Variants in KLRC1 observed in about 807,000 individuals in gnomAD.
The protein encoded by KLRC1 is NKG2-A/NKG2-B type II integral membrane protein.
In KLRC1, 22 loss-of-function variants were observed where a neutral mutation model predicts 25.9. The ratio of observed to expected loss-of-function variants is 0.85; its 90% CI spans 0.61 to 1.21. The LOEUF is 1.21. Ranked by LOEUF, KLRC1 falls within the 50% of genes most tolerant of loss-of-function variation. The pLI is 0.00. For missense variants in KLRC1, 240 were observed against 272.2 expected (o/e 0.88, Z 0.83); for synonymous variants, 77 against 93.1 (o/e 0.83, Z 0.99).
chr12:10,452,588 T>C (rs1397221428), intron 1 of KLRC1, among the ~76,000 whole-genome samples: 2 of 152,196 alleles, frequency 1.3e-5, no homozygotes, highest in East Asian at 3.8e-4. Flanking sequence ...TCACAATTGT[T>C]ATGTTACTGT....
intron 1 of KLRC1, among the ~76,000 whole-genome samples, chr12:10,451,991 C>T (rs1864136165): frequency 6.6e-6 from 1 of 151,458 alleles, no homozygotes; most frequent in African/African-American, 2.4e-5. Context: ...ATTAAATGGT[C>T]TTTTCTTAAT....
downstream of KLRC1, among the ~76,000 whole-genome samples, chr12:10,444,662 G>T (rs1397470003): frequency 6.6e-6 from 1 of 152,118 alleles, no homozygotes; most frequent in African/African-American, 2.4e-5. Context: ...AAGAAATTCA[G>T]TTTAGACATA....
intron 1 of KLRC1, chr12:10,451,412 C>A: frequency 8.5e-6 from 2 of 236,196 alleles, no homozygotes; most frequent in South Asian, 3.1e-4. Flanking sequence ...AATCCCAGCA[C>A]TTTGGGAGGC....
Position 10,446,250 on chromosome 12 carries a change from C to A in KLRC1, c.*301G>T. 1 of 504,092 alleles carries A rather than the reference C, an allele frequency of 2.0e-6. No homozygotes were observed. The highest frequency in any genetic ancestry group is 2.8e-6 in the Non-Finnish European group (1 of 361,630). 31.2% of individuals were successfully genotyped at this position (504,092 alleles called of 1,614,324 possible). On this transcript the variant is annotated 3_prime_UTR_variant, in exon 7 of 7. Coordinates refer to ENST00000359151, the MANE Select transcript of KLRC1 (RefSeq NM_002259.5). ...CCCTCAGACATTGGCAACCACTATT[C>A]TACTTTCTGTCTCCATGGGTTTGAC...
At chr12:10,448,577 T>C (rs1364172375) in intron 5 of KLRC1, among the ~76,000 whole-genome samples, 8 of 152,176 alleles carry the variant, frequency 5.3e-5, no homozygotes, top group African/African-American at 1.9e-4. Flanking sequence ...AGGGTCCTCT[T>C]TGTCCCTGAG....
chr12:10,448,134 C>T (rs1333494326), intron 5 of KLRC1, among the ~76,000 whole-genome samples: 1 of 149,420 alleles, frequency 6.7e-6, no homozygotes, highest in Admixed American at 6.7e-5. Context: ...AGACTCGTCT[C>T]TCTCTGCTAC....
chr12:10,446,706 T>C, intron 6 of KLRC1, 44 bp from the exon 7 acceptor site: 2 of 1,610,280 alleles, frequency 1.2e-6, no homozygotes, highest in Non-Finnish European at 1.7e-6. Flanking sequence ...TTTAAGCAAA[T>C]GATTCATGAG....
chr12:10,449,482 T>C, intron 4 of KLRC1, 94 bp from the exon 5 acceptor site: 13 of 1,535,838 alleles, frequency 8.5e-6, no homozygotes, highest in Non-Finnish European at 1.1e-5. Flanking sequence ...CCTATACGTA[T>C]GCAACATATC....
intron 5 of KLRC1, 57 bp from the exon 6 acceptor site, chr12:10,447,689 CAATAT>C (rs1361216707): frequency 7.2e-7 from 1 of 1,391,094 alleles, no homozygotes; most frequent in Non-Finnish European, 9.8e-7. Context: ...ATTACAAAAA[CAATAT>C]ATTAAATTTG....
At chr12:10,452,972 A>T (rs2682472) in intron 1 of KLRC1, among the ~76,000 whole-genome samples, 81,351 of 152,068 alleles carry the variant, frequency 0.53, 23,940 homozygotes, top group Non-Finnish European at 0.65. Flanking sequence ...GATATTGATC[A>T]ACAAACCCAC....
intron 3 of KLRC1, 29 bp downstream of exon 3, chr12:10,450,455 C>G (rs768671198): frequency 8.0e-7 from 1 of 1,249,362 alleles, no homozygotes; most frequent in Non-Finnish European, 1.2e-6. Context: ...CGTGAAAATT[C>G]CCCTTGTAAT....
At chr12:10,451,472 AC>A (rs1009989054) in intron 1 of KLRC1, among the ~76,000 whole-genome samples, 2 of 152,144 alleles carry the variant, frequency 1.3e-5, no homozygotes, top group Non-Finnish European at 1.5e-5. Context: ...CCTGGCTAAC[AC>A]GGTGAAACTC....
chr12:10,453,531 T>C (rs2734437), upstream of KLRC1, among the ~76,000 whole-genome samples: 25,193 of 151,748 alleles, frequency 0.17, 2,477 homozygotes, highest in Non-Finnish European at 0.23. Context: ...AAGTGTGTCA[T>C]TTAGTTGGTT....
At chr12:10,453,123 G>T in intron 1 of KLRC1, 75 bp downstream of exon 1, 2 of 541,668 alleles carry the variant, frequency 3.7e-6, no homozygotes, top group Non-Finnish European at 4.7e-6. Context: ...TACCTCCTTT[G>T]TATCATATTG....
rs368976157 is a variant in KLRC1 at position 10,450,595 on chromosome 12, T to C, written c.188-16A>G. The C allele has an allele frequency of 8.0e-6, 12 of 1,501,440 alleles. No individual in the cohort carries two copies. The highest frequency in any genetic ancestry group is 1.0e-5 in the Non-Finnish European group (11 of 1,078,082). The allele number at this position is 1,501,440 out of a possible 1,614,324, so 93.0% of individuals were successfully genotyped here. A position where few individuals can be genotyped will look rare whatever the true frequency, so the allele number is the denominator to read the frequency against. Reference sequence around the variant, plus strand: ...GATGGTAAATCTGCAGGGAGAGAAATGGGAACAGTGCGAAAGGAGAGGTGG... The same window carrying C: ...GATGGTAAATCTGCAGGGAGAGAAACGGGAACAGTGCGAAAGGAGAGGTGG... On this transcript the variant is annotated splice_polypyrimidine_tract_variant and intron_variant, in intron 2 of 6. Transcript: ENST00000359151.
At chr12:10,454,558 A>G (rs1864178966), upstream of KLRC1, 1 of 971,842 alleles carries the variant, frequency 1.0e-6, no homozygotes, top group Non-Finnish European at 1.2e-6. Flanking sequence ...ACTTGAGATC[A>G]GTCCTTCACC....
At chr12:10,445,436 T>G (rs1196224481), downstream of KLRC1, among the ~76,000 whole-genome samples, 2 of 152,126 alleles carry the variant, frequency 1.3e-5, no homozygotes, top group Non-Finnish European at 2.9e-5. Context: ...ATGAGAAAGA[T>G]AGGATGAAAA....
At chr12:10,450,075 T>C in intron 3 of KLRC1, 108 bp from the exon 4 acceptor site, 2 of 864,820 alleles carry the variant, frequency 2.3e-6, no homozygotes, top group Non-Finnish European at 3.2e-6. Context: ...TAGAATAATA[T>C]GGAATAAAAT....
downstream of KLRC1, among the ~76,000 whole-genome samples, chr12:10,443,413 A>G (rs1159029760): frequency 7.1e-6 from 1 of 140,312 alleles, no homozygotes; most frequent in Non-Finnish European, 1.6e-5. Context: ...GTCTTAATAT[A>G]AGGCAAGCCC....
Sources: gnomAD v4.1 joint callset for allele counts (sites outside exome capture counted in the v4.1 genomes callset) on GRCh38, gnomAD v4.1.1 for gene constraint, MANE v1.5 for transcripts, NCBI Gene and HGNC (gene_info 2026-07-23, HGNC 2026-07-21) for gene names.